The following CLK4 variants were observed in gnomAD, a reference collection of about 807,000 sequenced individuals.
CLK4 encodes the protein dual specificity protein kinase CLK4.
Under a neutral mutation model 64.4 loss-of-function variants are expected in CLK4, and 37 were observed. The ratio of observed to expected loss-of-function variants is 0.57; its 90% CI spans 0.44 to 0.76. CLK4 has a LOEUF of 0.76. CLK4 is among the 30% of genes least tolerant of loss of function. The probability of loss-of-function intolerance (pLI) is 0.00; values close to 1 mark genes in which losing one functional copy is unlikely to be tolerated. For synonymous variants in CLK4, 175 were observed against 191.6 expected, an observed-to-expected ratio of 0.91 and a Z score of 0.72; for missense variants, 457 against 605.1, an observed-to-expected ratio of 0.76 and a Z score of 2.57.
rs887097145 is a variant in CLK4, at chr5:178,605,466, CTTCT to C, written c.1135-88_1135-85del. The C allele has an allele frequency of 5.0e-6, 4 of 793,564 alleles. No homozygotes were observed. In the African/African-American group the frequency reaches 7.2e-5, roughly 14 times the overall value. 49.2% of individuals were successfully genotyped at this position (793,564 alleles called of 1,614,324 possible). A position where few individuals can be genotyped will look rare whatever the true frequency, so the allele number is the denominator to read the frequency against. ...TTGTTTAATCTAAAATTTTAGTTTCCTTCTTTATTTGCACTTCTTACACTGTTTA... is the reference window on the plus strand; with the variant it reads ...TTGTTTAATCTAAAATTTTAGTTTCCTTATTTGCACTTCTTACACTGTTTA... On this transcript the variant is annotated intron_variant, in intron 10 of 12. Coordinates refer to ENST00000316308, the MANE Select transcript of CLK4 (RefSeq NM_020666.3).
chr5:178,611,050 G>A (rs907580132), intron 9 of CLK4, among the ~76,000 whole-genome samples: 1 of 151,108 alleles, frequency 6.6e-6, no homozygotes, highest in Non-Finnish European at 1.5e-5. Context: ...TCCAGCCTGG[G>A]TGACAAAGTG....
rs952832917 is a variant in CLK4 at position 178,612,704 on chromosome 5, A to G, written c.921+92T>C. 1.0e-5 allele frequency: 11 copies of G among 1,052,466 alleles called. No homozygotes were observed. The African/African-American group carries it at 1.8e-4, about 17-fold the overall frequency. The allele number at this position is 1,052,466 out of a possible 1,614,324, so 65.2% of individuals were successfully genotyped here. ...TTTTGGTTAAACAACAGGATATAAT[A>G]AGGCTCAGAAGTGAAATTCCTCATC... is the stretch of plus-strand genomic sequence containing the variant. On this transcript the variant is annotated intron_variant, in intron 8 of 12. Transcript: ENST00000316308.
intron 10 of CLK4, 146 bp downstream of exon 10, chr5:178,608,230 T>G (rs1439133739): frequency 2.4e-5 from 14 of 585,716 alleles, no homozygotes; most frequent in Non-Finnish European, 3.0e-6. Flanking sequence ...TCAACTGTGG[T>G]TTTAAAGAAT....
At chr5:178,620,684 TAA>T in intron 2 of CLK4, 12 of 359,306 alleles carry the variant, frequency 3.3e-5, no homozygotes, top group Middle Eastern at 3.8e-4. Flanking sequence ...CTGTGGGAGA[TAA>T]AAAAAAAATT....
At position 178,609,459 on chromosome 5, in the gene CLK4, G is replaced by A. The variant is rs148890921; in HGVS notation, c.1052-1001C>T. ...GCACTTTGGGAGGCCGAGGCGGGTG[G>A]ATCACCAGGTTGGCAGTTCGAGACC... On this transcript the variant is annotated intron_variant, in intron 9 of 12. Transcript: ENST00000316308. Among the ~76,000 whole-genome samples the A allele has an allele frequency of 2.8e-3, 420 of 151,818 alleles. 1 individual carries two copies. The highest frequency in any genetic ancestry group is 9.8e-3 in the African/African-American group (407 of 41,396).
intron 2 of CLK4, among the ~76,000 whole-genome samples, chr5:178,621,644 A>G (rs1764707737): frequency 6.6e-6 from 1 of 152,208 alleles, no homozygotes; most frequent in East Asian, 1.9e-4. Flanking sequence ...TTGGCCTTTC[A>G]AAACAGCCAA....
rs1322360665 is a variant in CLK4 at position 178,603,204 on chromosome 5, C to T, written c.*413G>A. The T allele has an allele frequency of 2.6e-5, 4 of 152,840 alleles. No individual in the cohort carries two copies. The highest frequency in any genetic ancestry group is 2.1e-4 in the South Asian group (1 of 4,824). The allele number at this position is 152,840 out of a possible 1,614,324, so 9.5% of individuals were successfully genotyped here. A position where few individuals can be genotyped will look rare whatever the true frequency, so the allele number is the denominator to read the frequency against. On this transcript the variant is annotated 3_prime_UTR_variant, in exon 13 of 13. Coordinates refer to ENST00000316308, the MANE Select transcript of CLK4 (RefSeq NM_020666.3). The stretch of plus-strand genomic sequence containing the variant: ...ATAATAATCACCCGTTCAACAATTA[C>T]AGAAGAAAAACTTTTAAAGTTAAGT...
rs1238882565 is a variant in CLK4 at position 178,618,581 on chromosome 5, T to C, written c.359A>G (p.His120Arg). The C allele has an allele frequency of 1.9e-6, 3 of 1,613,836 alleles. No homozygotes were observed. Among genetic ancestry groups the C allele is most frequent in the Non-Finnish European group, 2.5e-6 (3 of 1,179,872 alleles). Residue 120 changes from histidine (H) to arginine (R), a missense_variant, in exon 3 of 13, where the codon CAC becomes CGC. By Grantham distance (29) the His-to-Arg change is conservative (BLOSUM62 0). Transcript: ENST00000316308. ...RSSPKRKRNRHCSSHQSRSKS... is the reference protein window; with the variant it reads ...RSSPKRKRNRRCSSHQSRSKS... Reference sequence around the variant, plus strand: ...CGAACGTGACTGATGACTTGAACAGTGTCTATTGCGCTTCCTTTTAGGACT... The same window carrying C: ...CGAACGTGACTGATGACTTGAACAGCGTCTATTGCGCTTCCTTTTAGGACT...
Position 178,617,133 on chromosome 5 carries a change from G to T in CLK4, c.476-185C>A. On this transcript the variant is annotated intron_variant, in intron 4 of 12. Transcript: ENST00000316308. The surrounding 1 kb of genome is among the most constrained non-coding windows in gnomAD (Gnocchi z 5.2). ...ACAATTAGATAGAGCTATCTTTCTT[G>T]CTCTAATCTCAAATTCCACTGATTA... is the stretch of plus-strand genomic sequence containing the variant. 1 of 639,306 alleles carries T rather than the reference G, an allele frequency of 1.6e-6. No homozygotes were observed. Among genetic ancestry groups the T allele is most frequent in the Non-Finnish European group, 2.8e-6 (1 of 363,272 alleles). The allele number at this position is 639,306 out of a possible 1,614,324, so 39.6% of individuals were successfully genotyped here.
In CLK4 at chr5:178,618,777, G is replaced by T; in HGVS notation, c.163C>A (p.His55Asn). Residue 55 changes from histidine to asparagine, a missense_variant and splice_region_variant, in exon 3 of 13, where the codon CAT becomes AAT. Coordinates refer to ENST00000316308, the MANE Select transcript of CLK4 (RefSeq NM_020666.3). ...PHHQFKESDC[H>N]YLEARSLNER... Reference sequence around the variant, plus strand: ...TTCAAGGACCTTGCTTCTAAATAATGACTGCAAACACATTAAAAGATTTCA... The same window carrying T: ...TTCAAGGACCTTGCTTCTAAATAATTACTGCAAACACATTAAAAGATTTCA... 1.2e-6 allele frequency: 2 copies of T among 1,609,048 alleles called. No individual in the cohort carries two copies. The highest frequency in any genetic ancestry group is 2.2e-5 in the South Asian group (2 of 90,850).
chr5:178,605,609 C>G (rs1295844841), intron 10 of CLK4, among the ~76,000 whole-genome samples: 1 of 152,186 alleles, frequency 6.6e-6, no homozygotes. Context: ...CTTACTACTC[C>G]CAGGCAACAG....
intron 5 of CLK4, among the ~76,000 whole-genome samples, chr5:178,616,026 T>C (rs1764622163): frequency 6.6e-6 from 1 of 152,222 alleles, no homozygotes; most frequent in South Asian, 2.1e-4. Flanking sequence ...GGAAATTCCT[T>C]CACTTGAACA....
chr5:178,623,066 G>GTTTTATTTA, intron 2 of CLK4, 190 bp downstream of exon 2: 1 of 561,926 alleles, frequency 1.8e-6, no homozygotes. Flanking sequence ...ACATACATAA[G>GTTTTATTTA]GATAAGAACT....
chr5:178,605,078 T>A (rs1018374886), intron 11 of CLK4: 1 of 237,452 alleles, frequency 4.2e-6, no homozygotes, highest in African/African-American at 2.5e-5. Flanking sequence ...TGCAGTGAGC[T>A]GAGATCGTGC....
chr5:178,613,338 G>A lies in CLK4; in HGVS notation c.826+135C>T, dbSNP rs756322469. The A allele has an allele frequency of 1.7e-4, 79 of 464,116 alleles. 1 individual carries two copies. The South Asian group carries it at 1.9e-3, about 11-fold the overall frequency. The allele number at this position is 464,116 out of a possible 1,614,324, so 28.7% of individuals were successfully genotyped here. ...CGGGAGGCTGAGGCAGGAAAATGGC[G>A]TGAACCCGGGAGGCTGAGCTTGCTG... On this transcript the variant is annotated intron_variant, in intron 7 of 12. Coordinates refer to ENST00000316308, the MANE Select transcript of CLK4 (RefSeq NM_020666.3).
chr5:178,623,273 C>T lies in CLK4; in HGVS notation c.144G>A (p.Gln48=). 6.2e-7 allele frequency: 1 copy of T among 1,613,548 alleles called. No individual in the cohort carries two copies. The highest frequency in any genetic ancestry group is 1.3e-5 in the African/African-American group (1 of 74,996). Residue 48 remains glutamine (Q), a synonymous_variant, in exon 2 of 13, where the codon CAG becomes CAA. Transcript: ENST00000316308. ...QENRHCKPHH[Q]FKESDCHYLE... ...TAATTTACCAATCAGATTCTTTAAACTGGTGATGTGGTTTACAATGCCTGT... is the reference window on the plus strand; with the variant it reads ...TAATTTACCAATCAGATTCTTTAAATTGGTGATGTGGTTTACAATGCCTGT...
chr5:178,613,885 G>A (rs1446497211), intron 5 of CLK4, 42 bp from the exon 6 acceptor site: 3 of 1,426,234 alleles, frequency 2.1e-6, no homozygotes, highest in South Asian at 1.2e-5. Flanking sequence ...ATGTACAAGA[G>A]TGAGCTGAAG....
At chr5:178,624,372 T>C (rs1008340970) in intron 1 of CLK4, among the ~76,000 whole-genome samples, 3 of 152,234 alleles carry the variant, frequency 2.0e-5, no homozygotes, top group Admixed American at 2.0e-4. Context: ...TTCATTTTCT[T>C]ATCCAGCAGT....
At chr5:178,610,385 T>C (rs955801359) in intron 9 of CLK4, among the ~76,000 whole-genome samples, 1 of 152,146 alleles carries the variant, frequency 6.6e-6, no homozygotes, top group East Asian at 1.9e-4. Context: ...CCATTCTAAA[T>C]CATCTCATTC....
Sources: allele counts gnomAD v4.1 joint callset (sites outside exome capture counted in the v4.1 genomes callset), GRCh38; gene constraint gnomAD v4.1.1; non-coding constraint Gnocchi (gnomAD v3.1); transcripts MANE v1.5; gene names NCBI Gene and HGNC (gene_info 2026-07-23, HGNC 2026-07-21).